GRAMD4: variants seen among roughly 807,000 people sequenced by gnomAD.
GRAMD4 encodes the protein GRAM domain-containing protein 4.
Under a neutral mutation model 83.9 loss-of-function variants are expected in GRAMD4, and 25 were observed. That is an observed-to-expected ratio of 0.30 (90% CI 0.22 to 0.42). The LOEUF (loss-of-function observed/expected upper bound fraction) is 0.42. Among genes scored for constraint, GRAMD4 ranks in the 10% least tolerant of loss-of-function variants. The probability of loss-of-function intolerance (pLI) is 1.00; values close to 1 mark genes in which losing one functional copy is unlikely to be tolerated. For synonymous variants in GRAMD4, 336 were observed against 320.9 expected, an observed-to-expected ratio of 1.05 and a Z score of -0.50; for missense variants, 593 against 788.7, an observed-to-expected ratio of 0.75 and a Z score of 2.97.
chr22:46,633,365 G>T (rs2081805932), intron 2 of GRAMD4, among the ~76,000 whole-genome samples: 1 of 152,202 alleles, frequency 6.6e-6, no homozygotes, highest in Non-Finnish European at 1.5e-5. Flanking sequence ...TCCCTCTCCT[G>T]CCCTCCCTGG....
intron 1 of GRAMD4, among the ~76,000 whole-genome samples, chr22:46,578,820 G>C (rs9284525): frequency 0.24 from 37,231 of 152,228 alleles, 4,835 homozygotes; most frequent in Middle Eastern, 0.33. Flanking sequence ...GTCTTGCCTT[G>C]CTCCTGCCTT....
intron 1 of GRAMD4, 33 bp from the exon 2 acceptor site, chr22:46,626,718 G>C: frequency 7.1e-7 from 1 of 1,410,514 alleles, no homozygotes; most frequent in Non-Finnish European, 9.9e-7. Flanking sequence ...TGGAGGTGGC[G>C]AGCGGGAGAG....
At chr22:46,638,825 C>T (rs875557) in intron 3 of GRAMD4, among the ~76,000 whole-genome samples, 35,992 of 152,136 alleles carry the variant, frequency 0.24, 4,747 homozygotes, top group East Asian at 0.4. Flanking sequence ...CAGGGGCTTA[C>T]GACCGGGGTG....
At chr22:46,613,773 C>T (rs980995586) in intron 1 of GRAMD4, among the ~76,000 whole-genome samples, 1 of 152,242 alleles carries the variant, frequency 6.6e-6, no homozygotes, top group African/African-American at 2.4e-5. Flanking sequence ...CACACCCCCT[C>T]CTGCCCTGGA....
intron 2 of GRAMD4, among the ~76,000 whole-genome samples, chr22:46,631,037 C>T (rs191511355): frequency 1.3e-5 from 2 of 152,382 alleles, no homozygotes; most frequent in East Asian, 1.9e-4. Context: ...CTCTCCACCG[C>T]CCCGAGGGGC....
chr22:46,645,103 T>G (rs1458395575), intron 3 of GRAMD4, among the ~76,000 whole-genome samples: 1 of 151,760 alleles, frequency 6.6e-6, no homozygotes, highest in Non-Finnish European at 1.5e-5. Flanking sequence ...ATGTTAGTAG[T>G]TACTGATAGT....
chr22:46,582,713 C>T (rs9616059), intron 1 of GRAMD4, among the ~76,000 whole-genome samples: 1 of 152,198 alleles, frequency 6.6e-6, no homozygotes, highest in Non-Finnish European at 1.5e-5. Flanking sequence ...CCTTGGCCAC[C>T]TGGCTGAGGT....
At chr22:46,584,076 C>T (rs1378362980) in intron 1 of GRAMD4, among the ~76,000 whole-genome samples, 3 of 152,144 alleles carry the variant, frequency 2.0e-5, no homozygotes, top group Admixed American at 6.5e-5. Context: ...TTTGCTCACT[C>T]GTTCCAGTGC....
At position 46,668,820 on chromosome 22, in the gene GRAMD4, G is replaced by T. The variant is rs758666223; in HGVS notation, c.996G>T (p.Pro332=). The change falls in exon 13 of 19, where the codon CCG becomes CCT. Residue 332 remains proline, a synonymous_variant. Transcript: ENST00000406902. ...KIKNLFMWVQ[P]EITQKLYVAL... Reference sequence around the variant, plus strand: ...CCAGCTTGTTCATGTGGGTCCAGCCGGAGATCACACAGAAGCTGTATGTGG... The same window carrying T: ...CCAGCTTGTTCATGTGGGTCCAGCCTGAGATCACACAGAAGCTGTATGTGG... 31 of 1,611,814 alleles carry T rather than the reference G, an allele frequency of 1.9e-5. No homozygotes were observed. The Admixed American group carries it at 5.2e-4, about 27-fold the overall frequency.
chr22:46,598,801 G>T (rs770833254), intron 1 of GRAMD4, among the ~76,000 whole-genome samples: 1 of 152,204 alleles, frequency 6.6e-6, no homozygotes, highest in Non-Finnish European at 1.5e-5. Context: ...AGCGGGGAAG[G>T]ATGGAGCTGG....
At chr22:46,613,022 G>T (rs956650066) in intron 1 of GRAMD4, among the ~76,000 whole-genome samples, 3 of 152,248 alleles carry the variant, frequency 2.0e-5, no homozygotes, top group Non-Finnish European at 2.9e-5. Flanking sequence ...TCTTGGGATG[G>T]TCTCAGAACT....
At chr22:46,615,021 G>C (rs1457473936) in intron 1 of GRAMD4, among the ~76,000 whole-genome samples, 5 of 70,768 alleles carry the variant, frequency 7.1e-5, no homozygotes, top group Admixed American at 4.2e-4. Context: ...CTGTGCGTGT[G>C]GGTTCCCCCG....
At chr22:46,667,443 T>C (rs1199226019) in intron 10 of GRAMD4, among the ~76,000 whole-genome samples, 1 of 152,258 alleles carries the variant, frequency 6.6e-6, no homozygotes, top group Non-Finnish European at 1.5e-5. Flanking sequence ...ATTTACATAC[T>C]GCTGCGGCTG....
Position 46,677,175 on chromosome 22 carries a change from G to C in GRAMD4, c.1661G>C (p.Arg554Thr). ...KPLVFGAMVHRDEAFETILSQ... is the reference protein window; with the variant it reads ...KPLVFGAMVHTDEAFETILSQ... The stretch of plus-strand genomic sequence containing the variant: ...CTCGTGTTTGGTGCCATGGTGCACA[G>C]GGATGAGGCCTTCGAGACCATTCTC... Residue 554 changes from arginine (R) to threonine (T), a missense_variant, in exon 19 of 19, where the codon AGG (arginine) becomes ACG (threonine). This residue lies in a region of GRAMD4 where 74 missense variants were observed against 152.7 expected (regional missense o/e 0.48). Coordinates refer to ENST00000406902, the MANE Select transcript of GRAMD4 (RefSeq NM_015124.5). The C allele has an allele frequency of 6.2e-7, 1 of 1,613,846 alleles. No homozygotes were observed. Among genetic ancestry groups the C allele is most frequent in the African/African-American group, 1.3e-5 (1 of 75,076 alleles).
chr22:46,661,350 C>G, intron 4 of GRAMD4, 31 bp from the exon 5 acceptor site: 1 of 1,588,570 alleles, frequency 6.3e-7, no homozygotes, highest in Non-Finnish European at 8.6e-7. Flanking sequence ...AACTAACAGA[C>G]CTCTTGTCTC....
At chr22:46,661,591 C>A in intron 5 of GRAMD4, 149 bp downstream of exon 5, 1 of 631,534 alleles carries the variant, frequency 1.6e-6, no homozygotes, top group Non-Finnish European at 2.8e-6. Context: ...TGTGCCCAGG[C>A]ACCTGCTGGC....
At chr22:46,627,031 G>A (rs894277323) in intron 2 of GRAMD4, 70 bp downstream of exon 2, 19 of 1,090,220 alleles carry the variant, frequency 1.7e-5, no homozygotes, top group Admixed American at 1.4e-4. Flanking sequence ...CGGGCCAAGC[G>A]TGGACTCAGG....
chr22:46,658,426 A>T, intron 4 of GRAMD4, 119 bp downstream of exon 4: 1 of 1,019,582 alleles, frequency 9.8e-7, no homozygotes, highest in South Asian at 1.6e-5. Context: ...TTGGCCCTGG[A>T]GAGGCCTGAG....
At chr22:46,637,527 C>T (rs1223094845) in intron 2 of GRAMD4, among the ~76,000 whole-genome samples, 1 of 152,208 alleles carries the variant, frequency 6.6e-6, no homozygotes, top group African/African-American at 2.4e-5. Flanking sequence ...GTGTGAACCA[C>T]CGTGCCCAGC....
Sources: gnomAD v4.1 joint callset for allele counts (sites outside exome capture counted in the v4.1 genomes callset) on GRCh38, gnomAD v4.1.1 for gene constraint, gnomAD v4.1.1 regional missense constraint, MANE v1.5 for transcripts, NCBI Gene and HGNC (gene_info 2026-07-23, HGNC 2026-07-21) for gene names.